The following MTBP variants were observed in gnomAD, a reference collection of about 807,000 sequenced individuals.
MTBP encodes MDM2 binding protein.
A neutral mutation model predicts 117.0 loss-of-function variants in MTBP; 101 were observed. That is an observed-to-expected ratio of 0.86 (90% CI 0.73 to 1.02). The LOEUF (loss-of-function observed/expected upper bound fraction) is 1.02. Ranked by LOEUF, MTBP falls within the 50% of genes least tolerant of loss-of-function variation. The pLI is 0.00. For synonymous variants in MTBP, 350 were observed against 351.5 expected (o/e 1.00, Z 0.05); for missense variants, 970 against 1,030.9 (o/e 0.94, Z 0.81).
intron 9 of MTBP, among the ~76,000 whole-genome samples, chr8:120,462,912 C>G (rs1344933327): frequency 1.3e-5 from 2 of 152,062 alleles, no homozygotes; most frequent in African/African-American, 4.8e-5. Flanking sequence ...AAAAGGTTTG[C>G]AAAGTGCACT....
chr8:120,479,651 A>G (rs1022213345), intron 11 of MTBP, among the ~76,000 whole-genome samples: 2 of 152,228 alleles, frequency 1.3e-5, no homozygotes, highest in African/African-American at 4.8e-5. Context: ...GATATCCTCC[A>G]ATTTCAATGG....
chr8:120,492,020 A>T (rs76073426), intron 13 of MTBP, among the ~76,000 whole-genome samples: 2,165 of 152,276 alleles, frequency 0.014, 44 homozygotes, highest in African/African-American at 0.046. Flanking sequence ...AAAAAAAATT[A>T]AAAAAATAAA....
intron 12 of MTBP, among the ~76,000 whole-genome samples, chr8:120,489,137 C>T (rs960182600): frequency 7.3e-5 from 11 of 151,510 alleles, no homozygotes; most frequent in African/African-American, 2.2e-4. Context: ...CTCCCAGGTT[C>T]GAGCAATTCT....
rs2130608356 is a variant in MTBP at position 120,506,864 on chromosome 8, A to G, written c.1883+3A>G. On this transcript the variant is annotated splice_donor_region_variant and intron_variant, in intron 16 of 21. Coordinates refer to ENST00000305949, the MANE Select transcript of MTBP (RefSeq NM_022045.5). ...CAACCTTTACCGATTCAAAAGGGGTAGGTTATAAACTTATAATTTCCAGTT... is the reference window on the plus strand; with the variant it reads ...CAACCTTTACCGATTCAAAAGGGGTGGGTTATAAACTTATAATTTCCAGTT... 6.3e-7 allele frequency: 1 copy of G among 1,595,940 alleles called. No homozygotes were observed. Among genetic ancestry groups the G allele is most frequent in the Admixed American group, 1.8e-5 (1 of 54,512 alleles).
chr8:120,490,260 A>C (rs1471360668), intron 12 of MTBP, among the ~76,000 whole-genome samples: 1 of 152,208 alleles, frequency 6.6e-6, no homozygotes, highest in Non-Finnish European at 1.5e-5. Flanking sequence ...CAATGTTTAA[A>C]ATGCAAAATA....
rs554975221 is a variant in MTBP at position 120,453,874 on chromosome 8, G to A, written c.453G>A (p.Leu151=). Residue 151 remains leucine, a synonymous_variant, in exon 5 of 22, where the codon TTG becomes TTA. Coordinates refer to ENST00000305949, the MANE Select transcript of MTBP (RefSeq NM_022045.5). ...ADLYEEAAEN[L]HQLSDKLPAP... is the part of the protein sequence containing the mutation. ...TCTATGAAGAAGCTGCAGAAAATTT[G>A]CATCAGCTGTCAGACAAGCTTCCTG... 1.9e-6 allele frequency: 3 copies of A among 1,583,722 alleles called. No homozygotes were observed. The highest frequency in any genetic ancestry group is 4.6e-5 in the East Asian group (2 of 43,510).
In MTBP at chr8:120,463,685, A is replaced by G. The variant is rs1371392430; in HGVS notation, c.978-7A>G. ...CATTACATCATTTCTTTAACTCCTT[A>G]GTACAGAGGATTGACAAACAGTACC... On this transcript the variant is annotated splice_region_variant and splice_polypyrimidine_tract_variant and intron_variant, in intron 9 of 21. Transcript: ENST00000305949. 2 of 1,603,652 alleles carry G rather than the reference A, an allele frequency of 1.2e-6. No individual in the cohort carries two copies. Among genetic ancestry groups the G allele is most frequent in the East Asian group, 2.2e-5 (1 of 44,710 alleles).
chr8:120,499,630 G>A (rs1814538577), intron 14 of MTBP, among the ~76,000 whole-genome samples: 3 of 152,042 alleles, frequency 2.0e-5, no homozygotes, highest in Non-Finnish European at 4.4e-5. Context: ...ATATTCTGAC[G>A]ACTCATTTGC....
chr8:120,512,959 G>A (rs1035387412), intron 17 of MTBP, among the ~76,000 whole-genome samples: 11 of 152,036 alleles, frequency 7.2e-5, no homozygotes, highest in Non-Finnish European at 1.6e-4. Flanking sequence ...TTAGAACCCT[G>A]GAGCTCTTTC....
At chr8:120,509,710 A>G (rs1426230117) in intron 16 of MTBP, among the ~76,000 whole-genome samples, 2 of 152,250 alleles carry the variant, frequency 1.3e-5, no homozygotes, top group Non-Finnish European at 2.9e-5. Context: ...TGTGCAATAA[A>G]TAACATCATA....
At chr8:120,457,861 G>T (rs2130522350) in intron 7 of MTBP, among the ~76,000 whole-genome samples, 1 of 151,588 alleles carries the variant, frequency 6.6e-6, no homozygotes, top group East Asian at 1.9e-4. Flanking sequence ...CAGGAGAATG[G>T]TGTGAACCCG....
chr8:120,520,637 C>T (rs2130624822), intron 20 of MTBP, among the ~76,000 whole-genome samples: 1 of 152,154 alleles, frequency 6.6e-6, no homozygotes, highest in Middle Eastern at 3.4e-3. Flanking sequence ...ATGGAGAGAA[C>T]ATTTTCTAAA....
intron 11 of MTBP, among the ~76,000 whole-genome samples, chr8:120,478,386 A>T (rs1357462827): frequency 1.3e-5 from 2 of 152,092 alleles, no homozygotes; most frequent in African/African-American, 4.8e-5. Context: ...GTATCCCAGA[A>T]CTTAAAGTAT....
At chr8:120,506,520 A>G (rs1379383377) in intron 15 of MTBP, among the ~76,000 whole-genome samples, 186 bp from the exon 16 acceptor site, 1 of 152,142 alleles carries the variant, frequency 6.6e-6, no homozygotes, top group African/African-American at 2.4e-5. Flanking sequence ...GTTAGAAACT[A>G]AGTTATTTGC....
intron 12 of MTBP, among the ~76,000 whole-genome samples, chr8:120,489,395 C>CT (rs1397361198): frequency 6.6e-6 from 1 of 152,138 alleles, no homozygotes; most frequent in Non-Finnish European, 1.5e-5. Flanking sequence ...AGCTACAAGG[C>CT]TTTCTGTTTC....
intron 16 of MTBP, among the ~76,000 whole-genome samples, chr8:120,507,349 T>C (rs931119502): frequency 1.3e-5 from 2 of 152,130 alleles, no homozygotes; most frequent in Non-Finnish European, 2.9e-5. Flanking sequence ...AAGAATTCAG[T>C]GTCTACGTGA....
At chr8:120,466,211 C>CT (rs33994178) in intron 10 of MTBP, among the ~76,000 whole-genome samples, 9,210 of 127,986 alleles carry the variant, frequency 0.072, 784 homozygotes, top group African/African-American at 0.2. Flanking sequence ...GTTTTTTACT[C>CT]TTTTTTTTTT....
intron 21 of MTBP, among the ~76,000 whole-genome samples, chr8:120,523,057 T>G (rs1299027173): frequency 6.6e-6 from 1 of 152,170 alleles, no homozygotes; most frequent in Non-Finnish European, 1.5e-5. Context: ...CATATAAAGG[T>G]GAGAAAATGG....
At chr8:120,489,288 C>T (rs556328049) in intron 12 of MTBP, among the ~76,000 whole-genome samples, 3 of 152,212 alleles carry the variant, frequency 2.0e-5, no homozygotes, top group Admixed American at 6.5e-5. Flanking sequence ...CTGCCTGCCT[C>T]GGCCTCCCAA....
Sources: gnomAD v4.1 joint callset for allele counts (sites outside exome capture counted in the v4.1 genomes callset) on GRCh38, gnomAD v4.1.1 for gene constraint, MANE v1.5 for transcripts, NCBI Gene and HGNC (gene_info 2026-07-23, HGNC 2026-07-21) for gene names.